PHEX: variants seen among roughly 807,000 people sequenced by gnomAD.
PHEX encodes the protein phosphate-regulating neutral endopeptidase PHEX.
In PHEX, 16 loss-of-function variants were observed where a neutral mutation model predicts 68.0. The ratio of observed to expected loss-of-function variants is 0.24; its 90% CI spans 0.16 to 0.36. The LOEUF (loss-of-function observed/expected upper bound fraction) is 0.36. Ranked by LOEUF, PHEX falls within the 10% of genes least tolerant of loss-of-function variation. PHEX has a pLI of 1.00. For missense variants in PHEX, 480 were observed against 575.5 expected, an observed-to-expected ratio of 0.83 and a Z score of 1.70; for synonymous variants, 208 against 205.1, an observed-to-expected ratio of 1.01 and a Z score of -0.12.
intron 15 of PHEX, among the ~76,000 whole-genome samples, chrX:22,199,464 A>C (rs915872739): frequency 8.9e-6 from 1 of 112,361 alleles, no homozygotes; most frequent in African/African-American, 3.2e-5. Flanking sequence ...AAATGCCAGA[A>C]GTAAACAGTT....
chrX:22,247,091 G>A (rs957814993), intron 21 of PHEX, among the ~76,000 whole-genome samples: 8 of 111,955 alleles, frequency 7.1e-5, no homozygotes, highest in Admixed American at 4.8e-4. Flanking sequence ...GTAAGAATGT[G>A]ACATATTGGA....
At chrX:22,208,375 A>G (rs868409068) in intron 15 of PHEX, among the ~76,000 whole-genome samples, 4 of 112,348 alleles carry the variant, frequency 3.6e-5, no homozygotes, top group Admixed American at 1.9e-4. Context: ...TGCCAACAAC[A>G]TGTCTTGGGG....
In PHEX at chrX:22,214,428, T is replaced by C. The variant is rs558215946; in HGVS notation, c.1700+1470T>C. Among the ~76,000 whole-genome samples, 3 of 92,355 alleles carry C rather than the reference T, an allele frequency of 3.2e-5. No homozygotes were observed. In the South Asian group the frequency reaches 1.3e-3, roughly 39 times the overall value. 80.2% of individuals were successfully genotyped at this position (92,355 alleles called of 115,157 possible). A position where few individuals can be genotyped will look rare whatever the true frequency, so the allele number is the denominator to read the frequency against. On this transcript the variant is annotated intron_variant, in intron 16 of 21. Coordinates refer to ENST00000379374, the MANE Select transcript of PHEX (RefSeq NM_000444.6). ...CTGTGTAACATAACATATTCACAGG[T>C]TCCAAAGATTAGCAATATGGACATC...
intron 11 of PHEX, among the ~76,000 whole-genome samples, chrX:22,123,191 G>A (rs1931564591): frequency 9.2e-6 from 1 of 108,995 alleles, no homozygotes; most frequent in African/African-American, 3.3e-5. Context: ...GCTTTGGCGT[G>A]TTGTCCAGGC....
At chrX:22,139,823 G>A (rs1210334814) in intron 12 of PHEX, among the ~76,000 whole-genome samples, 1 of 110,364 alleles carries the variant, frequency 9.1e-6, no homozygotes, top group East Asian at 2.8e-4. Context: ...TACAGTGTGA[G>A]CCACTGCCAC....
chrX:22,076,538 T>G (rs1929161600), intron 4 of PHEX, 64 bp downstream of exon 4: 1 of 702,002 alleles, frequency 1.4e-6, no homozygotes, highest in Admixed American at 2.4e-5. Flanking sequence ...TCTATTAATG[T>G]TTTAATATAT....
chrX:22,182,472 G>GGAC (rs1040784525), intron 14 of PHEX, among the ~76,000 whole-genome samples: 1 of 111,208 alleles, frequency 9.0e-6, no homozygotes, highest in African/African-American at 3.3e-5. Flanking sequence ...AATGAGGGAA[G>GGAC]GACGGTATAG....
intron 11 of PHEX, among the ~76,000 whole-genome samples, chrX:22,123,835 T>C (rs5951702): frequency 0.14 from 14,797 of 102,848 alleles, 1,250 homozygotes; most frequent in African/African-American, 0.31. Flanking sequence ...TTCTTTTTCT[T>C]TTTTTTTTTT....
intron 15 of PHEX, among the ~76,000 whole-genome samples, chrX:22,196,757 C>A (rs964996628): frequency 2.7e-5 from 3 of 112,048 alleles, no homozygotes; most frequent in Admixed American, 9.5e-5. Context: ...GGGCTAAAAC[C>A]AATGATTTTA....
chrX:22,188,425 G>A (rs191272165), intron 14 of PHEX, among the ~76,000 whole-genome samples: 59 of 112,032 alleles, frequency 5.3e-4, no homozygotes, highest in African/African-American at 1.8e-3. Flanking sequence ...ATCATAACAA[G>A]CAGTCACTGA....
intron 15 of PHEX, among the ~76,000 whole-genome samples, chrX:22,208,828 A>C (rs1005957904): frequency 1.8e-5 from 2 of 112,291 alleles, no homozygotes; most frequent in Admixed American, 9.4e-5. Flanking sequence ...CTTAAACACC[A>C]CTGTGCTATG....
chrX:22,226,318 T>TTGAA lies in PHEX; in HGVS notation c.1900-122_1900-119dup, dbSNP rs35486190. 0.3 allele frequency: 159,898 copies of TTGAA among 528,746 alleles called. 17,819 individuals carry two copies. The highest frequency in any genetic ancestry group is 0.35 in the Non-Finnish European group (108,061 of 305,665). The allele number at this position is 528,746 out of a possible 1,213,427, so 43.6% of individuals were successfully genotyped here. Reference sequence around the variant, plus strand: ...ATATATTATGCCTACCTCTGATTTATTGAATGTGATTTTCTCTTTAAAATA... The same window carrying TTGAA: ...ATATATTATGCCTACCTCTGATTTATTGAATGAATGTGATTTTCTCTTTAAAATA... On this transcript the variant is annotated intron_variant, in intron 18 of 21. Transcript: ENST00000379374.
intron 20 of PHEX, among the ~76,000 whole-genome samples, chrX:22,243,874 C>T (rs945994749): frequency 2.7e-5 from 3 of 111,909 alleles, no homozygotes; most frequent in African/African-American, 6.5e-5. Flanking sequence ...GACAGTGTGG[C>T]GATTCCTCAA....
At chrX:22,148,031 G>A (rs1183529465) in intron 12 of PHEX, among the ~76,000 whole-genome samples, 3 of 107,896 alleles carry the variant, frequency 2.8e-5, no homozygotes, top group Non-Finnish European at 5.7e-5. Flanking sequence ...GTTATTTATT[G>A]CTGCATAACA....
At chrX:22,116,166 G>A (rs1366177976) in intron 11 of PHEX, among the ~76,000 whole-genome samples, 2 of 111,678 alleles carry the variant, frequency 1.8e-5, no homozygotes, top group Non-Finnish European at 3.8e-5. Context: ...AGGTAGTGAA[G>A]TGCTATTTCA....
intron 15 of PHEX, 58 bp from the exon 16 acceptor site, chrX:22,212,846 A>G: frequency 1.1e-6 from 1 of 909,353 alleles, no homozygotes; most frequent in Non-Finnish European, 1.6e-6. Context: ...AGCTAGAACC[A>G]GGTACTCATC....
chrX:22,223,809 T>TAATC (rs1256523184), intron 18 of PHEX, among the ~76,000 whole-genome samples: 5 of 112,613 alleles, frequency 4.4e-5, no homozygotes, highest in African/African-American at 1.3e-4. Flanking sequence ...GGAGTGGATA[T>TAATC]AATCATAATC....
chrX:22,066,673 G>A (rs955777946), intron 3 of PHEX, among the ~76,000 whole-genome samples: 18 of 111,804 alleles, frequency 1.6e-4, no homozygotes, highest in African/African-American at 2.3e-4. Context: ...ACTCACTGTC[G>A]GAAACCCAGT....
At chrX:22,180,157 A>G (rs1933840837) in intron 14 of PHEX, among the ~76,000 whole-genome samples, 1 of 111,371 alleles carries the variant, frequency 9.0e-6, no homozygotes, top group Non-Finnish European at 1.9e-5. Context: ...CTGTGTCTAC[A>G]TAGCTTAGTG....
Sources: allele counts gnomAD v4.1 joint callset (sites outside exome capture counted in the v4.1 genomes callset), GRCh38; gene constraint gnomAD v4.1.1; transcripts MANE v1.5; gene names NCBI Gene and HGNC (gene_info 2026-07-23, HGNC 2026-07-21).